The following SNX3 variants were observed in gnomAD, a reference collection of about 807,000 sequenced individuals.
The protein encoded by SNX3 is sorting nexin 3.
SNX3 carries 5 observed loss-of-function variants against 17.7 expected under a neutral mutation model. That is an observed-to-expected ratio of 0.28 (90% confidence interval 0.15 to 0.59). The LOEUF (loss-of-function observed/expected upper bound fraction) is 0.59. Among genes scored for constraint, SNX3 ranks in the 20% least tolerant of loss-of-function variants. The pLI is 0.88. For synonymous variants in SNX3, 91 were observed against 76.5 expected (o/e 1.19, Z -0.99); for missense variants, 132 against 206.8 (o/e 0.64, Z 2.22).
intron 2 of SNX3, 106 bp from the exon 3 acceptor site, chr6:108,214,728 C>T (rs749259852): frequency 6.1e-5 from 73 of 1,199,934 alleles, no homozygotes; most frequent in East Asian, 1.5e-4. Context: ...AGCCATCGTC[C>T]GGTCAAACTA....
chr6:108,241,153 A>G (rs1326653346), intron 1 of SNX3, among the ~76,000 whole-genome samples: 4 of 150,868 alleles, frequency 2.7e-5, no homozygotes, highest in Admixed American at 2.0e-4. Flanking sequence ...CAAAAAAAAA[A>G]AAAAAAAAAA....
At chr6:108,243,859 G>C (rs1775602897) in intron 1 of SNX3, among the ~76,000 whole-genome samples, 1 of 152,178 alleles carries the variant, frequency 6.6e-6, no homozygotes, top group African/African-American at 2.4e-5. Context: ...CATGAACCTG[G>C]GAGGTGAAGG....
intron 1 of SNX3, among the ~76,000 whole-genome samples, chr6:108,229,991 G>T (rs565342889): frequency 1.3e-5 from 2 of 152,092 alleles, no homozygotes; most frequent in African/African-American, 4.8e-5. Context: ...TAGCATTAAG[G>T]TGTAGAATTA....
chr6:108,258,400 G>A (rs189616663), intron 1 of SNX3, among the ~76,000 whole-genome samples: 190 of 151,678 alleles, frequency 1.3e-3, no homozygotes, highest in African/African-American at 4.5e-3. Context: ...GGAGGTTGCT[G>A]TGAGCCAAAA....
intron 1 of SNX3, among the ~76,000 whole-genome samples, chr6:108,255,177 T>C (rs1433767919): frequency 6.6e-6 from 1 of 152,198 alleles, no homozygotes; most frequent in African/African-American, 2.4e-5. Flanking sequence ...ATGGATTAGA[T>C]AAGGACAGAA....
At chr6:108,240,709 G>A (rs965080057) in intron 1 of SNX3, among the ~76,000 whole-genome samples, 13 of 152,180 alleles carry the variant, frequency 8.5e-5, no homozygotes, top group Non-Finnish European at 1.8e-4. Context: ...AACATTGGCA[G>A]CAAACAGTGG....
intron 1 of SNX3, among the ~76,000 whole-genome samples, chr6:108,255,727 G>A (rs1776008704): frequency 6.6e-6 from 1 of 152,082 alleles, no homozygotes; most frequent in Non-Finnish European, 1.5e-5. Context: ...ATAAGTCTAA[G>A]ATTTTAAAAT....
In SNX3 at chr6:108,223,017, T is replaced by A. The variant is rs1774850324; in HGVS notation, c.191A>T (p.Glu64Val). 1.2e-6 allele frequency: 2 copies of A among 1,606,070 alleles called. No homozygotes were observed. Among genetic ancestry groups the A allele is most frequent in the African/African-American group, 2.7e-5 (2 of 74,748 alleles). The stretch of plus-strand genomic sequence containing the variant: ...ACTGTATCTTCTTCTAACAGTAGAT[T>A]CTTTCAGCTTGAAAATAGGAAGATT... The part of the protein sequence containing the change: ...KTNLPIFKLK[E>V]STVRRRYSDF... Residue 64 changes from glutamate to valine, a missense_variant, in exon 2 of 4, where the codon GAA becomes GTA. Glu to Val is a moderately radical substitution (Grantham distance 121, BLOSUM62 -2). Around this residue, in one of 2 missense-constraint regions of SNX3, gnomAD observed 78 missense variants for 88.8 expected, o/e 0.88. Transcript: ENST00000230085.
Position 108,214,464 on chromosome 6 carries a change from T to C in SNX3, c.383+34A>G, listed in dbSNP as rs376387539. 8.7e-6 allele frequency: 14 copies of C among 1,602,140 alleles called. No homozygotes were observed. The African/African-American group carries it at 1.3e-4, about 15-fold the overall frequency. Reference sequence around the variant, plus strand: ...CTAAACTACAAGTAGTCACTTAAAGTAGTCCTACACTTTGAGGAATAGGAA... The same window carrying C: ...CTAAACTACAAGTAGTCACTTAAAGCAGTCCTACACTTTGAGGAATAGGAA... On this transcript the variant is annotated intron_variant, in intron 3 of 3. Transcript: ENST00000230085.
chr6:108,246,594 T>C (rs1299094844), intron 1 of SNX3, among the ~76,000 whole-genome samples: 1 of 151,790 alleles, frequency 6.6e-6, no homozygotes, highest in Non-Finnish European at 1.5e-5. Context: ...CCTCCCAAAG[T>C]GCTGGGATTA....
At chr6:108,231,523 T>C (rs1489682870) in intron 1 of SNX3, among the ~76,000 whole-genome samples, 2 of 152,234 alleles carry the variant, frequency 1.3e-5, no homozygotes. Flanking sequence ...AGCTTTGTTT[T>C]GCATTGTTGG....
intron 1 of SNX3, among the ~76,000 whole-genome samples, chr6:108,253,346 C>T (rs927391211): frequency 2.0e-5 from 3 of 151,204 alleles, no homozygotes; most frequent in Admixed American, 6.6e-5. Flanking sequence ...GACAACACAG[C>T]GAGAACCTGT....
rs551792571 is a variant in SNX3 at position 108,244,704 on chromosome 6, A to G, written c.162+16056T>C. ...TGTTGCCAGGCGGGAGTGCAGTGGC[A>G]TGATCTCAGCTCACTGCAACTTCCA... On this transcript the variant is annotated intron_variant, in intron 1 of 3. Coordinates refer to ENST00000230085, the MANE Select transcript of SNX3 (RefSeq NM_003795.6). 1.8e-4 allele frequency among the ~76,000 whole-genome samples: 23 copies of G among 126,318 alleles called. No individual in the cohort carries two copies. In the South Asian group the frequency reaches 4.7e-3, roughly 26 times the overall value. The allele number at this position is 126,318 out of a possible 152,430, so 82.9% of individuals were successfully genotyped here. A position where few individuals can be genotyped will look rare whatever the true frequency, so the allele number is the denominator to read the frequency against.
At chr6:108,259,723 T>C (rs117005682) in intron 1 of SNX3, among the ~76,000 whole-genome samples, 2,830 of 152,348 alleles carry the variant, frequency 0.019, 29 homozygotes, top group Non-Finnish European at 0.029. Context: ...TAAAAATGGT[T>C]AGGATGGTAA....
chr6:108,232,756 T>A (rs1272656152), intron 1 of SNX3, among the ~76,000 whole-genome samples: 1 of 152,130 alleles, frequency 6.6e-6, no homozygotes, highest in Admixed American at 6.5e-5. Context: ...CAGCTGCATT[T>A]CTCCAAATAT....
chr6:108,229,790 T>C (rs1358572433), intron 1 of SNX3, among the ~76,000 whole-genome samples: 4 of 152,172 alleles, frequency 2.6e-5, no homozygotes, highest in African/African-American at 4.8e-5. Context: ...TTCTTGAATA[T>C]TCTAAAGCAT....
chr6:108,250,021 C>A (rs924147449), intron 1 of SNX3, among the ~76,000 whole-genome samples: 1 of 152,094 alleles, frequency 6.6e-6, no homozygotes, highest in African/African-American at 2.4e-5. Flanking sequence ...AGTGATGCTC[C>A]CACCTCAGGT....
At chr6:108,218,406 T>G (rs948288656) in intron 2 of SNX3, among the ~76,000 whole-genome samples, 8 of 152,138 alleles carry the variant, frequency 5.3e-5, no homozygotes, top group African/African-American at 1.2e-4. Flanking sequence ...TGGAGAAAAG[T>G]AGAACCTCAC....
At chr6:108,243,655 G>C (rs1055415128) in intron 1 of SNX3, among the ~76,000 whole-genome samples, 13 of 152,208 alleles carry the variant, frequency 8.5e-5, no homozygotes, top group African/African-American at 2.9e-4. Context: ...GAAGAGCCAG[G>C]CTTGGTGGCT....
Sources: gnomAD v4.1 joint callset for allele counts (sites outside exome capture counted in the v4.1 genomes callset) on GRCh38, gnomAD v4.1.1 for gene constraint, gnomAD v4.1.1 regional missense constraint, MANE v1.5 for transcripts, NCBI Gene and HGNC (gene_info 2026-07-23, HGNC 2026-07-21) for gene names.